The following PPP1R7 variants were observed in gnomAD, a reference collection of about 807,000 sequenced individuals.
The protein encoded by PPP1R7 is protein phosphatase 1 regulatory subunit 22.
In PPP1R7, 18 loss-of-function variants were observed where a neutral mutation model predicts 45.2. The observed-to-expected ratio is 0.40, with a 90% CI of 0.28 to 0.59. PPP1R7 has a LOEUF of 0.59. PPP1R7 is among the 20% of genes least tolerant of loss of function. The probability of loss-of-function intolerance (pLI) is 0.46; values close to 1 mark genes in which losing one functional copy is unlikely to be tolerated. For missense variants in PPP1R7, 314 were observed against 455.8 expected (o/e 0.69, Z 2.83); for synonymous variants, 181 against 183.4 (o/e 0.99, Z 0.11).
At chr2:241,150,157 C>T (rs887213448), upstream of PPP1R7, 32 of 1,273,156 alleles carry the variant, frequency 2.5e-5, 1 homozygote, top group Non-Finnish European at 2.5e-5. Flanking sequence ...AGTCAACTCT[C>T]AAGCCCAGGG....
intron 2 of PPP1R7, among the ~76,000 whole-genome samples, chr2:241,154,233 A>T (rs936045683): frequency 6.6e-6 from 1 of 150,726 alleles, no homozygotes; most frequent in Non-Finnish European, 1.5e-5. Flanking sequence ...CAATATTGTT[A>T]TATTAACCAT....
upstream of PPP1R7, chr2:241,150,393 C>A (rs932781162): frequency 1.2e-5 from 14 of 1,156,906 alleles, no homozygotes; most frequent in Admixed American, 1.0e-4. Flanking sequence ...CGGCTGAAGT[C>A]GCCGCGCCGG....
chr2:241,158,391 C>T, intron 3 of PPP1R7, 93 bp from the exon 4 acceptor site: 1 of 1,185,418 alleles, frequency 8.4e-7, no homozygotes, highest in Non-Finnish European at 1.3e-6. Flanking sequence ...CTGCCTCCCC[C>T]ACTGCTGCCC....
At chr2:241,159,055 C>A in intron 4 of PPP1R7, 158 bp from the exon 5 acceptor site, 1 of 894,866 alleles carries the variant, frequency 1.1e-6, no homozygotes, top group Non-Finnish European at 1.7e-6. Flanking sequence ...CCCTTGCCCA[C>A]CTGCCTCTCA....
intron 8 of PPP1R7, among the ~76,000 whole-genome samples, chr2:241,169,383 C>T (rs2067775731): frequency 6.6e-6 from 1 of 152,220 alleles, no homozygotes; most frequent in South Asian, 2.1e-4. Context: ...TACATTTCCT[C>T]GTGATGAGCA....
intron 8 of PPP1R7, chr2:241,166,899 G>C: frequency 1.5e-6 from 1 of 675,634 alleles, no homozygotes; most frequent in South Asian, 2.1e-5. Context: ...AGCCCACAGA[G>C]AGCACAGGAC....
Position 241,182,802 on chromosome 2 carries a change from T to C in PPP1R7, c.1062T>C (p.Asp354=), listed in dbSNP as rs1473356232. The part of the protein sequence containing the change: ...MLALPSVRQI[D]ATFVRF Reference sequence around the variant, plus strand: ...CCCTCCCCTCCGTGCGGCAGATCGATGCCACGTTCGTCAGGTTCTGAGTCC... The same window carrying C: ...CCCTCCCCTCCGTGCGGCAGATCGACGCCACGTTCGTCAGGTTCTGAGTCC... Residue 354 remains aspartate (D), a synonymous_variant, in exon 10 of 10, where the codon GAT becomes GAC. Transcript: ENST00000234038. 1.9e-6 allele frequency: 3 copies of C among 1,613,386 alleles called. No homozygotes were observed. The highest frequency in any genetic ancestry group is 3.3e-5 in the Admixed American group (2 of 60,010).
chr2:241,150,208 C>T (rs139179864), upstream of PPP1R7: 146 of 1,275,622 alleles, frequency 1.1e-4, no homozygotes, highest in African/African-American at 1.8e-3. Flanking sequence ...CGTCTGCCTG[C>T]AGCTACGGCT....
Position 241,160,464 on chromosome 2 carries a change from G to A in PPP1R7, c.567G>A (p.Gln189=). 6.2e-7 allele frequency: 1 copy of A among 1,610,854 alleles called. No individual in the cohort carries two copies. Among genetic ancestry groups the A allele is most frequent in the Non-Finnish European group, 8.5e-7 (1 of 1,178,996 alleles). Residue 189 remains glutamine, a synonymous_variant, in exon 6 of 10, where the codon CAG becomes CAA. Transcript: ENST00000234038. ...IENLSNLHQL[Q]MLELGSNRIR... is the part of the protein sequence containing the mutation. ...ACTTAAGCAACTTACATCAACTACA[G>A]ATGCTAGAGCTGGGATCTAACCGCA...
chr2:241,173,269 C>CAA (rs540011262), intron 9 of PPP1R7, among the ~76,000 whole-genome samples: 1,046 of 89,926 alleles, frequency 0.012, 18 homozygotes, highest in African/African-American at 0.035. Flanking sequence ...AAGACTTTCT[C>CAA]AAAAAAAAAA....
intron 9 of PPP1R7, among the ~76,000 whole-genome samples, chr2:241,174,447 T>C (rs889573472): frequency 2.0e-5 from 3 of 152,098 alleles, no homozygotes; most frequent in Non-Finnish European, 4.4e-5. Flanking sequence ...CTCACTCCTA[T>C]CTATACATTC....
chr2:241,159,246 A>G lies in PPP1R7; in HGVS notation c.337A>G (p.Ile113Val), dbSNP rs988496635. The change falls in exon 5 of 10, where the codon ATT (isoleucine) becomes GTT (valine). Residue 113 changes from isoleucine (I) to valine (V), a missense_variant. By Grantham distance (29) the Ile-to-Val change is conservative. Transcript: ENST00000234038. ...LCLRQNLIKCIENLEELQSLR... is the reference protein window; with the variant it reads ...LCLRQNLIKCVENLEELQSLR... ...CCTCCGCCAAAATTTAATTAAATGC[A>G]TTGAGAATCTGGAGGAGCTACAGAG... 1.4e-5 allele frequency: 22 copies of G among 1,613,626 alleles called. No homozygotes were observed. The African/African-American group carries it at 1.7e-4, about 13-fold the overall frequency.
chr2:241,162,243 A>G (rs2067609598), intron 6 of PPP1R7, among the ~76,000 whole-genome samples: 1 of 152,114 alleles, frequency 6.6e-6, no homozygotes, highest in African/African-American at 2.4e-5. Context: ...TGCCCCCGCC[A>G]AGTCCTGCAG....
At chr2:241,154,294 T>G (rs150378960) in intron 2 of PPP1R7, among the ~76,000 whole-genome samples, 1 of 152,230 alleles carries the variant, frequency 6.6e-6, no homozygotes, top group Non-Finnish European at 1.5e-5. Flanking sequence ...CTGCTGTGTT[T>G]CTATGTCCTA....
chr2:241,177,242 C>G (rs1481919559), intron 9 of PPP1R7, among the ~76,000 whole-genome samples: 1 of 151,658 alleles, frequency 6.6e-6, no homozygotes, highest in African/African-American at 2.4e-5. Flanking sequence ...CATGGTGAAA[C>G]CCTGTCTCTA....
chr2:241,154,977 C>A (rs2067419103), intron 2 of PPP1R7: 1 of 152,162 alleles, frequency 6.6e-6, no homozygotes, highest in Non-Finnish European at 1.5e-5. Flanking sequence ...TTTTAAGTCA[C>A]AAGGAGATTA....
chr2:241,154,166 G>T (rs1248192163), intron 2 of PPP1R7, among the ~76,000 whole-genome samples: 1 of 126,946 alleles, frequency 7.9e-6, no homozygotes. Flanking sequence ...GGTGACAGAG[G>T]GATACTCCTT....
At chr2:241,163,543 C>T in intron 7 of PPP1R7, 142 bp downstream of exon 7, 1 of 647,842 alleles carries the variant, frequency 1.5e-6, no homozygotes. Context: ...CATTAGATGC[C>T]ATAGACTTTA....
intron 8 of PPP1R7, among the ~76,000 whole-genome samples, chr2:241,168,433 CG>C (rs1559424608): frequency 6.6e-6 from 1 of 152,148 alleles, no homozygotes; most frequent in Non-Finnish European, 1.5e-5. Flanking sequence ...GTGCAGAGTG[CG>C]GGGGAGAGCT....
Sources: allele counts gnomAD v4.1 joint callset (sites outside exome capture counted in the v4.1 genomes callset), GRCh38; gene constraint gnomAD v4.1.1; transcripts MANE v1.5; gene names NCBI Gene and HGNC (gene_info 2026-07-23, HGNC 2026-07-21).